ERN2: variants seen among roughly 807,000 people sequenced by gnomAD.
The protein encoded by ERN2 is endoplasmic reticulum to nucleus signaling 2.
Under a neutral mutation model 107.9 loss-of-function variants are expected in ERN2, and 111 were observed. The ratio of observed to expected loss-of-function variants is 1.03; its 90% confidence interval spans 0.88 to 1.20. ERN2 has a LOEUF of 1.20. Among genes scored for constraint, ERN2 ranks in the 50% most tolerant of loss-of-function variants. The pLI, the probability that ERN2 is intolerant of heterozygous loss-of-function variation, is 0.00. For missense variants in ERN2, 1,225 were observed against 1,197.9 expected (o/e 1.02, Z -0.33); for synonymous variants, 524 against 501.7 (o/e 1.04, Z -0.59).
rs148146066 is a variant in ERN2, at chr16:23,691,158, G to A, written c.2539C>T (p.Arg847Ter). Reference sequence around the variant, plus strand: ...TTCCTCACAGCACGGAGCAGGTCTCGCACTGATGTCCCCTTATAGGACCGG... The same window carrying A: ...TTCCTCACAGCACGGAGCAGGTCTCACACTGATGTCCCCTTATAGGACCGG... ...KFRSYKGTSV[R>*]DLLRAVRNKK... The change falls in exon 21 of 22, where the codon CGA becomes TGA. Residue 847 changes from arginine (R) to a stop codon, truncating the protein, a stop_gained. Transcript: ENST00000256797. LOFTEE classifies it low-confidence loss of function (END_TRUNC). 3.0e-5 allele frequency: 49 copies of A among 1,613,880 alleles called. No homozygotes were observed. The highest frequency in any genetic ancestry group is 3.9e-5 in the Non-Finnish European group (46 of 1,180,010).
Position 23,713,160 on chromosome 16 carries a change from G to T in ERN2, c.28C>A (p.Pro10Thr). 6.4e-7 allele frequency: 1 copy of T among 1,574,444 alleles called. No individual in the cohort carries two copies. Among genetic ancestry groups the T allele is most frequent in the African/African-American group, 1.4e-5 (1 of 73,948 alleles). The stretch of plus-strand genomic sequence containing the variant: ...AGCTGGAGCCCCAGCCGGGGCCACG[G>T]CCTCGACCCCCTGACCGCACTCGCC... MASAVRGSR[P>T]WPRLGLQLQF... The change falls in exon 1 of 22, where the codon CCG (proline) becomes ACG (threonine). Residue 10 changes from proline to threonine, a missense_variant. By Grantham distance (38) the Pro-to-Thr change is conservative. Coordinates refer to ENST00000256797, the MANE Select transcript of ERN2 (RefSeq NM_033266.4).
rs564287681 is a variant in ERN2, at chr16:23,710,249, G to A, written c.234-5C>T. 4 of 1,613,252 alleles carry A rather than the reference G, an allele frequency of 2.5e-6. No homozygotes were observed. The South Asian group carries it at 4.4e-5, about 18-fold the overall frequency. On this transcript the variant is annotated splice_region_variant and splice_polypyrimidine_tract_variant and intron_variant, in intron 3 of 21. Coordinates refer to ENST00000256797, the MANE Select transcript of ERN2 (RefSeq NM_033266.4). Reference sequence around the variant, plus strand: ...GGGTCAGAGAGAAAGGCCATTCTGTGGAGCAGAGAGAAACAAGGAGACCAA... The same window carrying A: ...GGGTCAGAGAGAAAGGCCATTCTGTAGAGCAGAGAGAAACAAGGAGACCAA...
chr16:23,712,033 G>C (rs1205264884), intron 1 of ERN2: 5 of 454,202 alleles, frequency 1.1e-5, no homozygotes, highest in Non-Finnish European at 2.2e-5. Context: ...GGGTGAGGCT[G>C]AGCTCCCAGC....
Position 23,706,340 on chromosome 16 carries a change from T to A in ERN2, c.579A>T (p.Ser193=). 6.5e-7 allele frequency: 1 copy of A among 1,535,910 alleles called. No individual in the cohort carries two copies. Among genetic ancestry groups the A allele is most frequent in the South Asian group, 1.3e-5 (1 of 78,994 alleles). Residue 193 remains serine, a synonymous_variant, in exon 7 of 22, where the codon TCA becomes TCT. Coordinates refer to ENST00000256797, the MANE Select transcript of ERN2 (RefSeq NM_033266.4). Reference sequence around the variant, plus strand: ...AAAGGTGGAACTCACATTTCCCAGGTGAGCCATCCATGGGGGGCGCTGAGT... The same window carrying A: ...AAAGGTGGAACTCACATTTCCCAGGAGAGCCATCCATGGGGGGCGCTGAGT... The part of the protein sequence containing the change: ...RRYSAPPMDG[S]PGKYMSHLAS...
In ERN2 at chr16:23,702,629, G is replaced by T. The variant is rs1432835661; in HGVS notation, c.928C>A (p.Leu310Met). ...SKALVHTGVA[L>M]VPRGLTLAPA... is the part of the protein sequence containing the mutation. ...ACTCAGAGACCACTTCTTACCACCA[G>T]GGCCACTCCTGTGTGGACCAGTGCT... Residue 310 changes from leucine (L) to methionine (M), a missense_variant, in exon 9 of 22, where the codon CTG (leucine) becomes ATG (methionine). Coordinates refer to ENST00000256797, the MANE Select transcript of ERN2 (RefSeq NM_033266.4). 3 of 1,614,094 alleles carry T rather than the reference G, an allele frequency of 1.9e-6. No homozygotes were observed. Among genetic ancestry groups the T allele is most frequent in the Non-Finnish European group, 2.5e-6 (3 of 1,179,960 alleles).
intron 1 of ERN2, chr16:23,711,853 T>C (rs1960552176): frequency 5.1e-6 from 1 of 195,934 alleles, no homozygotes; most frequent in Non-Finnish European, 1.1e-5. Flanking sequence ...TCTTTTGGGA[T>C]GCCCCTTTCT....
rs1453005918 is a variant in ERN2, at chr16:23,706,421, G to A, written c.498C>T (p.Val166=). The A allele has an allele frequency of 2.5e-6, 4 of 1,569,146 alleles. No individual in the cohort carries two copies. The East Asian group carries it at 9.4e-5, about 37-fold the overall frequency. Residue 166 remains valine, a synonymous_variant, in exon 7 of 22, where the codon GTC becomes GTT. Coordinates refer to ENST00000256797, the MANE Select transcript of ERN2 (RefSeq NM_033266.4). The stretch of plus-strand genomic sequence containing the variant: ...CTGGGGCTCTTGGGTCATGCATGGT[G>A]ACCGTATACTCTGGGGATCCCAGAA... ...RLYIGRTQYT[V]TMHDPRAPAL...
chr16:23,690,832 C>T lies in ERN2; in HGVS notation c.2780G>A (p.Ter927=). 2 of 1,609,648 alleles carry T rather than the reference C, an allele frequency of 1.2e-6. No homozygotes were observed. The highest frequency in any genetic ancestry group is 1.7e-6 in the Non-Finnish European group (2 of 1,179,692). ...CATCTGTGTGGCATCCAGCCCACCT[C>T]ACCTCCCTGTGGCCCCAGGGCATGG... is the stretch of plus-strand genomic sequence containing the variant. The part of the protein sequence containing the change: ...RRPCPGATGR[*] The change falls in exon 22 of 22, where the codon TGA becomes TAA. Residue 927 remains the stop codon, a stop_retained_variant. Coordinates refer to ENST00000256797, the MANE Select transcript of ERN2 (RefSeq NM_033266.4).
In ERN2 at chr16:23,692,016, C is replaced by A; in HGVS notation, c.2323G>T (p.Val775Leu). 1 of 1,613,872 alleles carries A rather than the reference C, an allele frequency of 6.2e-7. No individual in the cohort carries two copies. Among genetic ancestry groups the A allele is most frequent in the Non-Finnish European group, 8.5e-7 (1 of 1,179,944 alleles). ...CTCCAAAAGAAGGGGTGGGCCAGCA[C>A]CTGGGGGGCAGAGGGGCGTGGCTGC... is the stretch of plus-strand genomic sequence containing the variant. The part of the protein sequence containing the change: ...LPQPRPSAPQ[V>L]LAHPFFWSRA... Residue 775 changes from valine to leucine, a missense_variant, in exon 19 of 22, where the codon GTG (valine) becomes TTG (leucine). Transcript: ENST00000256797.
intron 12 of ERN2, 110 bp downstream of exon 12, chr16:23,700,849 G>T: frequency 1.4e-6 from 2 of 1,469,604 alleles, no homozygotes; most frequent in Non-Finnish European, 1.8e-6. Context: ...CTGGGAGGGA[G>T]GCAGGGGGCA....
intron 4 of ERN2, among the ~76,000 whole-genome samples, chr16:23,708,605 A>C (rs1247613979): frequency 6.6e-6 from 1 of 151,796 alleles, no homozygotes; most frequent in Non-Finnish European, 1.5e-5. Context: ...TGATCTGCCT[A>C]CCTCAGCCTC....
chr16:23,692,196 C>T lies in ERN2; in HGVS notation c.2236G>A (p.Glu746Lys), dbSNP rs148188090. Residue 746 changes from glutamate (E) to lysine (K), a missense_variant, in exon 18 of 22, where the codon GAA (glutamate) becomes AAA (lysine). Glu to Lys is a moderately conservative substitution (Grantham distance 56). Transcript: ENST00000256797. ...AGGGCTCCCTCACCGTGGACCTCTT[C>T]CTCCAGGTGAGCCAGACAGGGAGCC... ...TGAPCLAHLE[E>K]EVHDKVVARD... The T allele has an allele frequency of 7.4e-6, 12 of 1,614,020 alleles. No homozygotes were observed. In the African/African-American group the frequency reaches 1.6e-4, roughly 22 times the overall value.
rs1348695045 is a variant in ERN2 at position 23,707,077 on chromosome 16, T to A, written c.309A>T (p.Lys103Asn). Reference sequence around the variant, plus strand: ...CCAGCTCAGGGATGGTGAATGGCAGTTTCTAGGAGACGGAAAATTTACAGG... The same window carrying A: ...CCAGCTCAGGGATGGTGAATGGCAGATTCTAGGAGACGGAAAATTTACAGG... ...LGTQKQQGLMKLPFTIPELVH... is the reference protein window; with the variant it reads ...LGTQKQQGLMNLPFTIPELVH... Residue 103 changes from lysine (K) to asparagine (N), a missense_variant and splice_region_variant, in exon 5 of 22, where the codon AAA becomes AAT. Physicochemically the swap from Lys to Asn is moderately conservative, Grantham distance 94. Transcript: ENST00000256797. 1 of 1,613,608 alleles carries A rather than the reference T, an allele frequency of 6.2e-7. No homozygotes were observed. Among genetic ancestry groups the A allele is most frequent in the South Asian group, 1.1e-5 (1 of 91,064 alleles).
At position 23,706,766 on chromosome 16, in the gene ERN2, T is replaced by C. The variant is rs1278628446; in HGVS notation, c.475A>G (p.Ile159Val). 4 of 1,607,838 alleles carry C rather than the reference T, an allele frequency of 2.5e-6. No homozygotes were observed. Among genetic ancestry groups the C allele is most frequent in the South Asian group, 1.1e-5 (1 of 90,362 alleles). Residue 159 changes from isoleucine to valine, a missense_variant, in exon 6 of 22, where the codon ATT becomes GTT. By Grantham distance (29) the Ile-to-Val change is conservative. Coordinates refer to ENST00000256797, the MANE Select transcript of ERN2 (RefSeq NM_033266.4). ...GGGCCCAACTCACGTGTTCGGCCAA[T>C]GTAGAGGCGGGGGGTGGAGGGACCC... ...TEGPSTPRLYIGRTQYTVTMH... is the reference protein window; with the variant it reads ...TEGPSTPRLYVGRTQYTVTMH...
In ERN2 at chr16:23,690,949, C is replaced by T. The variant is rs377283392; in HGVS notation, c.2663G>A (p.Arg888Gln). The T allele has an allele frequency of 1.1e-5, 18 of 1,613,964 alleles. No individual in the cohort carries two copies. The highest frequency in any genetic ancestry group is 3.3e-5 in the Admixed American group (2 of 60,004). Residue 888 changes from arginine to glutamine, a missense_variant, in exon 22 of 22, where the codon CGG becomes CAG. Arg to Gln is a conservative substitution (Grantham distance 43, BLOSUM62 1). Coordinates refer to ENST00000256797, the MANE Select transcript of ERN2 (RefSeq NM_033266.4). ...FVQYFTNRFP[R>Q]LLLHTHRAMR... The stretch of plus-strand genomic sequence containing the variant: ...GGCTCGGTGCGTGTGGAGGAGCAGC[C>T]GTGGGAAGCGGTTTGTGAAGTACTG...
Position 23,713,158 on chromosome 16 carries a change from C to G in ERN2, c.30G>C (p.Pro10=), listed in dbSNP as rs1450072859. 1.3e-6 allele frequency: 2 copies of G among 1,573,366 alleles called. No individual in the cohort carries two copies. Among genetic ancestry groups the G allele is most frequent in the Admixed American group, 1.8e-5 (1 of 56,148 alleles). Residue 10 remains proline (P), a synonymous_variant, in exon 1 of 22, where the codon CCG becomes CCC. Transcript: ENST00000256797. ...GGAGCTGGAGCCCCAGCCGGGGCCA[C>G]GGCCTCGACCCCCTGACCGCACTCG... The part of the protein sequence containing the change: MASAVRGSR[P]WPRLGLQLQF...
At chr16:23,713,073 G>A in intron 1 of ERN2, 22 bp downstream of exon 1, 1 of 1,502,162 alleles carries the variant, frequency 6.7e-7, no homozygotes, top group Non-Finnish European at 8.9e-7. Context: ...TTGGGGACTT[G>A]GCGTCGGTCC....
In ERN2 at chr16:23,695,358, T is replaced by C. The variant is rs1959769391; in HGVS notation, c.1642A>G (p.Lys548Glu). The change falls in exon 15 of 22, where the codon AAG becomes GAG. Residue 548 changes from lysine to glutamate, a missense_variant. Physicochemically the swap from Lys to Glu is moderately conservative, Grantham distance 56. Coordinates refer to ENST00000256797, the MANE Select transcript of ERN2 (RefSeq NM_033266.4). ...GQFEGRAVAV[K>E]RLLRECFGLV... ...CCAAAGCACTCGCGGAGGAGCCGCT[T>C]GACAGCCACTGCCCGTCCCTCAAAC... is the stretch of plus-strand genomic sequence containing the variant. 1.2e-6 allele frequency: 2 copies of C among 1,605,016 alleles called. No individual in the cohort carries two copies. Among genetic ancestry groups the C allele is most frequent in the Non-Finnish European group, 1.7e-6 (2 of 1,176,014 alleles).
At chr16:23,707,567 T>G (rs1012524363) in intron 4 of ERN2, among the ~76,000 whole-genome samples, 2 of 151,992 alleles carry the variant, frequency 1.3e-5, no homozygotes, top group Admixed American at 6.6e-5. Flanking sequence ...AAAAAAAAAT[T>G]TGCTGAATAT....
Sources: gnomAD v4.1 joint callset for allele counts (sites outside exome capture counted in the v4.1 genomes callset) on GRCh38, gnomAD v4.1.1 for gene constraint, MANE v1.5 for transcripts, NCBI Gene and HGNC (gene_info 2026-07-23, HGNC 2026-07-21) for gene names.